VAV1: variants seen among roughly 807,000 people sequenced by gnomAD.
VAV1 encodes the protein proto-oncogene vav.
Under a neutral mutation model 128.1 loss-of-function variants are expected in VAV1, and 33 were observed. The ratio of observed to expected loss-of-function variants is 0.26; its 90% CI spans 0.20 to 0.34. The LOEUF is 0.34. Among genes scored for constraint, VAV1 ranks in the 10% least tolerant of loss-of-function variants. The probability of loss-of-function intolerance (pLI) is 1.00; values close to 1 mark genes in which losing one functional copy is unlikely to be tolerated. For synonymous variants in VAV1, 394 were observed against 409.8 expected (o/e 0.96, Z 0.47); for missense variants, 715 against 1,093.7 (o/e 0.65, Z 4.88).
chr19:6,774,196 C>G (rs1401149870), intron 1 of VAV1, among the ~76,000 whole-genome samples: 4 of 152,034 alleles, frequency 2.6e-5, no homozygotes, highest in Admixed American at 2.6e-4. Flanking sequence ...GGCACCATCT[C>G]GGCTCATTGC....
At chr19:6,815,124 T>G (rs899395144) in intron 1 of VAV1, among the ~76,000 whole-genome samples, 1 of 152,090 alleles carries the variant, frequency 6.6e-6, no homozygotes, top group Non-Finnish European at 1.5e-5. Context: ...CCATATTTAT[T>G]CTACAGTTGC....
Position 6,855,534 on chromosome 19 carries a change from C to T in VAV1, c.2484+1436C>T, listed in dbSNP as rs144210742. 1.6e-3 allele frequency among the ~76,000 whole-genome samples: 237 copies of T among 152,224 alleles called. 2 individuals are homozygous for T. Among genetic ancestry groups the T allele is most frequent in the African/African-American group, 5.3e-3 (222 of 41,528 alleles). ...ATTCATCCACCCACCCTTCCACTCA[C>T]GCATCTATCTAACCATCTATCCACC... On this transcript the variant is annotated intron_variant, in intron 26 of 26. Transcript: ENST00000602142.
chr19:6,776,439 TCCATCCACCCAC>T (rs796313546), intron 1 of VAV1, among the ~76,000 whole-genome samples: 6 of 141,120 alleles, frequency 4.3e-5, no homozygotes, highest in Admixed American at 3.4e-4. Flanking sequence ...CATCCATCCA[TCCATCCACCCAC>T]CCATCCACCC....
chr19:6,826,331 C>A lies in VAV1; in HGVS notation c.828-281C>A, dbSNP rs1971918289. Among the ~76,000 whole-genome samples, 1 of 151,930 alleles carries A rather than the reference C, an allele frequency of 6.6e-6. No homozygotes were observed. The highest frequency in any genetic ancestry group is 2.4e-5 in the African/African-American group (1 of 41,330). ...CCAGCCTGGGAGACAAGCGTGAAAC[C>A]CCGTCTCAAAAATAAATAAATTAAT... On this transcript the variant is annotated intron_variant, in intron 8 of 26. Coordinates refer to ENST00000602142, the MANE Select transcript of VAV1 (RefSeq NM_005428.4). The surrounding 1 kb of genome is among the most constrained non-coding windows in gnomAD (Gnocchi z 4.1).
rs1433668453 is a variant in VAV1, at chr19:6,822,592, C to T, written c.654+78C>T. On this transcript the variant is annotated intron_variant, in intron 6 of 26. Transcript: ENST00000602142. This position sits in a 1 kb window ranked among gnomAD's most constrained non-coding sequence, Gnocchi z 5.9. Reference sequence around the variant, plus strand: ...GCAGGTGCACGTCCACCTGTCCGGCCGCTCTGGGCAGCTGAGGATTTCCTG... The same window carrying T: ...GCAGGTGCACGTCCACCTGTCCGGCTGCTCTGGGCAGCTGAGGATTTCCTG... 3.1e-6 allele frequency: 4 copies of T among 1,305,686 alleles called. No individual in the cohort carries two copies. Among genetic ancestry groups the T allele is most frequent in the African/African-American group, 3.0e-5 (2 of 67,666 alleles). The allele number at this position is 1,305,686 out of a possible 1,614,324, so 80.9% of individuals were successfully genotyped here. A position where few individuals can be genotyped will look rare whatever the true frequency, so the allele number is the denominator to read the frequency against.
At chr19:6,790,092 C>A (rs1412163711) in intron 1 of VAV1, among the ~76,000 whole-genome samples, 1 of 152,150 alleles carries the variant, frequency 6.6e-6, no homozygotes, top group Non-Finnish European at 1.5e-5. Flanking sequence ...GCAGAAGAAT[C>A]ACTTAAGCCC....
intron 24 of VAV1, among the ~76,000 whole-genome samples, chr19:6,851,791 A>G (rs1201176078): frequency 2.0e-5 from 3 of 152,222 alleles, no homozygotes; most frequent in African/African-American, 7.2e-5. Flanking sequence ...GTCCTCTGAA[A>G]GAAAATCAGA....
rs375676882 is a variant in VAV1, at chr19:6,836,414, C to T, written c.1778-18C>T. 3.7e-6 allele frequency: 6 copies of T among 1,613,472 alleles called. No individual in the cohort carries two copies. In the African/African-American group the frequency reaches 8.0e-5, roughly 22 times the overall value. On this transcript the variant is annotated intron_variant, in intron 19 of 26. Coordinates refer to ENST00000602142, the MANE Select transcript of VAV1 (RefSeq NM_005428.4). The stretch of plus-strand genomic sequence containing the variant: ...GTTGACTGCCAACCACCCTGTACTC[C>T]TGTACCCTGTCCTCCAGGTCTGCCC...
At chr19:6,774,999 C>T (rs2144681833) in intron 1 of VAV1, among the ~76,000 whole-genome samples, 1 of 151,508 alleles carries the variant, frequency 6.6e-6, no homozygotes. Flanking sequence ...CTCCTGACCT[C>T]AGGTGATCTG....
At position 6,822,175 on chromosome 19, in the gene VAV1, G is replaced by A; in HGVS notation, c.450-46G>A. The A allele has an allele frequency of 6.5e-7, 1 of 1,533,182 alleles. No homozygotes were observed. The highest frequency in any genetic ancestry group is 1.4e-5 in the African/African-American group (1 of 73,218). 95.0% of individuals were successfully genotyped at this position (1,533,182 alleles called of 1,614,324 possible). A position where few individuals can be genotyped will look rare whatever the true frequency, so the allele number is the denominator to read the frequency against. On this transcript the variant is annotated intron_variant, in intron 4 of 26. Transcript: ENST00000602142. This position sits in a 1 kb window ranked among gnomAD's most constrained non-coding sequence, Gnocchi z 5.9. ...CGCTGGGGTCTGCGGGGACCCTGCTGTGATCTGGGAGAGGTCCAAGGGATC... is the reference window on the plus strand; with the variant it reads ...CGCTGGGGTCTGCGGGGACCCTGCTATGATCTGGGAGAGGTCCAAGGGATC...
At chr19:6,814,439 ATTTT>A (rs202196036) in intron 1 of VAV1, among the ~76,000 whole-genome samples, 1 of 149,876 alleles carries the variant, frequency 6.7e-6, no homozygotes, top group Non-Finnish European at 1.5e-5. Context: ...GGATTTCACA[ATTTT>A]TTTTTTAATT....
intron 21 of VAV1, among the ~76,000 whole-genome samples, chr19:6,841,677 T>C (rs1018423660): frequency 1.3e-5 from 2 of 151,636 alleles, no homozygotes; most frequent in Admixed American, 6.6e-5. Flanking sequence ...GGTTTTGCCA[T>C]GTTGGTCAGG....
At chr19:6,801,482 T>A (rs1362709856) in intron 1 of VAV1, among the ~76,000 whole-genome samples, 1 of 152,022 alleles carries the variant, frequency 6.6e-6, no homozygotes, top group Admixed American at 6.6e-5. Context: ...GTTTGAGGGC[T>A]AGGATGAGGC....
intron 1 of VAV1, among the ~76,000 whole-genome samples, chr19:6,786,450 A>T (rs2144704498): frequency 6.6e-6 from 1 of 152,238 alleles, no homozygotes; most frequent in African/African-American, 2.4e-5. Flanking sequence ...CAACACAGCA[A>T]GCCCGTCCCT....
Position 6,772,859 on chromosome 19 carries a change from C to T in VAV1, c.52C>T (p.Pro18Ser), listed in dbSNP as rs1054377673. The T allele has an allele frequency of 3.1e-6, 5 of 1,613,956 alleles. No homozygotes were observed. In the African/African-American group the frequency reaches 5.3e-5, roughly 17 times the overall value. ...THWLIQCRVL[P>S]PSHRVTWDGA... is the part of the protein sequence containing the mutation. ...CTGGCTCATCCAGTGCCGGGTGCTGCCGCCCAGCCACCGCGTGACCTGGGA... is the reference window on the plus strand; with the variant it reads ...CTGGCTCATCCAGTGCCGGGTGCTGTCGCCCAGCCACCGCGTGACCTGGGA... Residue 18 changes from proline to serine, a missense_variant, in exon 1 of 27, where the codon CCG (proline) becomes TCG (serine). Pro to Ser is a moderately conservative substitution (Grantham distance 74). This residue lies in a region of VAV1 where 302 missense variants were observed against 477.8 expected (regional missense o/e 0.63). Coordinates refer to ENST00000602142, the MANE Select transcript of VAV1 (RefSeq NM_005428.4). This position sits in a 1 kb window ranked among gnomAD's most constrained non-coding sequence, Gnocchi z 4.8.
At chr19:6,795,962 G>A (rs1039399612) in intron 1 of VAV1, among the ~76,000 whole-genome samples, 2 of 152,046 alleles carry the variant, frequency 1.3e-5, no homozygotes, top group Non-Finnish European at 2.9e-5. Context: ...GGATTCCAGG[G>A]GTGAGCCACC....
Position 6,857,227 on chromosome 19 carries a change from A to C in VAV1, c.*120A>C. On this transcript the variant is annotated 3_prime_UTR_variant, in exon 27 of 27. Transcript: ENST00000602142. ...TGGAGACTTTGGGATGGACTGGAGG[A>C]GGCCAGCGTCCAGCTGGCGGTGCTC... is the stretch of plus-strand genomic sequence containing the variant. 7.2e-7 allele frequency: 1 copy of C among 1,388,270 alleles called. No homozygotes were observed. 86.0% of individuals were successfully genotyped at this position (1,388,270 alleles called of 1,614,324 possible). A position where few individuals can be genotyped will look rare whatever the true frequency, so the allele number is the denominator to read the frequency against.
In VAV1 at chr19:6,828,295, A is replaced by G; in HGVS notation, c.1023+124A>G. The G allele has an allele frequency of 6.6e-7, 1 of 1,509,042 alleles. No individual in the cohort carries two copies. The highest frequency in any genetic ancestry group is 9.1e-7 in the Non-Finnish European group (1 of 1,097,610). 93.5% of individuals were successfully genotyped at this position (1,509,042 alleles called of 1,614,324 possible). ...CGCTCGGGGATGGGTCACTGGGGTC[A>G]TGTCTCAGCCTCCAGGGTCAGCAGT... On this transcript the variant is annotated intron_variant, in intron 10 of 26. Transcript: ENST00000602142. The surrounding 1 kb of genome is among the most constrained non-coding windows in gnomAD (Gnocchi z 4.5).
At chr19:6,778,017 A>T (rs957917804) in intron 1 of VAV1, among the ~76,000 whole-genome samples, 2 of 150,798 alleles carry the variant, frequency 1.3e-5, no homozygotes, top group Middle Eastern at 3.4e-3. Context: ...GCTCACTGCA[A>T]CCTCCTCCTC....
Sources: allele counts gnomAD v4.1 joint callset (sites outside exome capture counted in the v4.1 genomes callset), GRCh38; gene constraint gnomAD v4.1.1; regional missense constraint gnomAD v4.1.1; non-coding constraint Gnocchi (gnomAD v3.1); transcripts MANE v1.5; gene names NCBI Gene and HGNC (gene_info 2026-07-23, HGNC 2026-07-21).